Variants in ZNF385D observed in about 807,000 individuals in gnomAD.
ZNF385D encodes the protein zinc finger protein 659.
In ZNF385D, 15 loss-of-function variants were observed where a neutral mutation model predicts 35.8. The ratio of observed to expected loss-of-function variants is 0.42; its 90% CI spans 0.28 to 0.64. The LOEUF (loss-of-function observed/expected upper bound fraction) is 0.64, where lower values mean the gene tolerates loss of function less well. Ranked by LOEUF, ZNF385D falls within the 30% of genes least tolerant of loss-of-function variation. The probability of loss-of-function intolerance (pLI) is 0.23; values close to 1 mark genes in which losing one functional copy is unlikely to be tolerated. For synonymous variants in ZNF385D, 212 were observed against 186.8 expected (o/e 1.13, Z -1.10); for missense variants, 474 against 494.6 (o/e 0.96, Z 0.39).
rs1553626129 is a variant in ZNF385D, at chr3:21,627,286, T to TGA, written c.165+37598_165+37599dup. On this transcript the variant is annotated intron_variant, in intron 2 of 7. Transcript: ENST00000281523. ...GTGTGTGTGTGTGTGTGTGTGTGTG[T>TGA]GAATTACTACTGGTTTGTGAAGGTC... Among the ~76,000 whole-genome samples, 418 of 144,638 alleles carry TGA rather than the reference T, an allele frequency of 2.9e-3. 1 individual carries two copies. The highest frequency in any genetic ancestry group is 1.0e-2 in the African/African-American group (404 of 40,474). The allele number at this position is 144,638 out of a possible 152,430, so 94.9% of individuals were successfully genotyped here. A position where few individuals can be genotyped will look rare whatever the true frequency, so the allele number is the denominator to read the frequency against.
At chr3:22,284,916 C>T (rs144118635) in intron 2 of ZNF385D, among the ~76,000 whole-genome samples, 1 of 152,108 alleles carries the variant, frequency 6.6e-6, no homozygotes, top group African/African-American at 2.4e-5. Context: ...ATTAAAAGGG[C>T]AGGCAGGAAA....
At chr3:22,279,495 C>T (rs965372240) in intron 2 of ZNF385D, among the ~76,000 whole-genome samples, 2 of 135,306 alleles carry the variant, frequency 1.5e-5, no homozygotes, top group South Asian at 4.4e-4. Context: ...ATGGAATATA[C>T]ATATGTACAT....
At chr3:21,524,830 G>A (rs1708127112) in intron 3 of ZNF385D, among the ~76,000 whole-genome samples, 1 of 152,142 alleles carries the variant, frequency 6.6e-6, no homozygotes, top group Non-Finnish European at 1.5e-5. Context: ...TTAATCAAGG[G>A]CTGACTATAT....
chr3:21,567,088 C>T (rs2063175107), intron 2 of ZNF385D, among the ~76,000 whole-genome samples: 1 of 151,006 alleles, frequency 6.6e-6, no homozygotes, highest in African/African-American at 2.4e-5. Flanking sequence ...TGTATTTATC[C>T]ATTTGCCATT....
At chr3:22,034,569 TA>T (rs1698199715) in intron 3 of ZNF385D, among the ~76,000 whole-genome samples, 1 of 152,190 alleles carries the variant, frequency 6.6e-6, no homozygotes, top group Non-Finnish European at 1.5e-5. Context: ...ATTTGAATTG[TA>T]AAAATATGTA....
intron 2 of ZNF385D, among the ~76,000 whole-genome samples, chr3:21,584,643 T>C (rs73137008): frequency 0.059 from 8,927 of 152,250 alleles, 605 homozygotes; most frequent in African/African-American, 0.16. Flanking sequence ...CTTCTACATA[T>C]ATAAACCATG....
intron 2 of ZNF385D, among the ~76,000 whole-genome samples, chr3:22,280,431 A>C (rs1701678426): frequency 6.6e-6 from 1 of 150,854 alleles, no homozygotes; most frequent in South Asian, 2.1e-4. Context: ...GTCTGATCTT[A>C]AGCTGACTTT....
intron 1 of ZNF385D, among the ~76,000 whole-genome samples, chr3:21,723,086 A>G (rs2068609259): frequency 6.6e-6 from 1 of 152,184 alleles, no homozygotes; most frequent in South Asian, 2.1e-4. Context: ...AGGGTAAAAA[A>G]CAAAGGAAAG....
intron 2 of ZNF385D, among the ~76,000 whole-genome samples, chr3:22,307,215 G>A (rs1703275502): frequency 1.3e-5 from 2 of 152,088 alleles, no homozygotes; most frequent in Admixed American, 6.6e-5. Context: ...GGGGAGGTGG[G>A]AAGTGTTTGA....
chr3:22,012,592 T>C (rs1321785009), intron 3 of ZNF385D, among the ~76,000 whole-genome samples: 1 of 138,096 alleles, frequency 7.2e-6, no homozygotes, highest in African/African-American at 2.6e-5. Context: ...AAAACAAGCA[T>C]TCAAAATGAT....
At chr3:21,509,762 AG>A (rs1169273053) in intron 4 of ZNF385D, among the ~76,000 whole-genome samples, 1 of 152,306 alleles carries the variant, frequency 6.6e-6, no homozygotes, top group East Asian at 1.9e-4. Context: ...GCTCTTAGGG[AG>A]GGCAGCATGA....
chr3:21,839,368 A>C lies in ZNF385D; in HGVS notation c.326-174340T>G, dbSNP rs538294226. Among the ~76,000 whole-genome samples the C allele has an allele frequency of 2.6e-5, 4 of 152,248 alleles. No homozygotes were observed. In the South Asian group the frequency reaches 8.3e-4, roughly 32 times the overall value. On this transcript the variant is annotated intron_variant, in intron 3 of 5. Coordinates refer to the ZNF385D transcript ENST00000494108. The stretch of plus-strand genomic sequence containing the variant: ...TGACTTCACAGTCCAAAAGCTCATC[A>C]TCTGTTACAAACTCATCATAAAAGA...
chr3:21,763,625 G>A (rs1328264602), intron 3 of ZNF385D, among the ~76,000 whole-genome samples: 3 of 152,130 alleles, frequency 2.0e-5, no homozygotes, highest in Non-Finnish European at 2.9e-5. Context: ...ATATGAAGTA[G>A]GCACTTCCTA....
chr3:22,010,995 T>C (rs1696536057), intron 3 of ZNF385D, among the ~76,000 whole-genome samples: 1 of 152,146 alleles, frequency 6.6e-6, no homozygotes, highest in Admixed American at 6.6e-5. Flanking sequence ...ATAGACTATT[T>C]CAATGGATCA....
chr3:22,030,272 T>TG (rs1404124456), intron 3 of ZNF385D, among the ~76,000 whole-genome samples: 1 of 82,872 alleles, frequency 1.2e-5, no homozygotes, highest in Non-Finnish European at 2.3e-5. Flanking sequence ...TATATATATA[T>TG]ATATATATAT....
chr3:21,850,981 G>A (rs1696347985), intron 3 of ZNF385D, among the ~76,000 whole-genome samples: 1 of 151,824 alleles, frequency 6.6e-6, no homozygotes, highest in Non-Finnish European at 1.5e-5. Context: ...TAATTAACAT[G>A]TAAAGAAGCC....
chr3:21,938,130 T>C (rs757491828), intron 3 of ZNF385D, among the ~76,000 whole-genome samples: 2 of 152,230 alleles, frequency 1.3e-5, no homozygotes, highest in Non-Finnish European at 2.9e-5. Flanking sequence ...TCATTTTTGA[T>C]GTAATTTTAT....
chr3:22,357,041 C>A (rs1238793935), intron 2 of ZNF385D, among the ~76,000 whole-genome samples: 1 of 151,734 alleles, frequency 6.6e-6, no homozygotes, highest in Non-Finnish European at 1.5e-5. Flanking sequence ...TGAAAAAGTG[C>A]AAGAATAAGC....
At chr3:22,201,112 G>C (rs919275118) in intron 2 of ZNF385D, among the ~76,000 whole-genome samples, 1 of 152,132 alleles carries the variant, frequency 6.6e-6, no homozygotes, top group Non-Finnish European at 1.5e-5. Flanking sequence ...TTGGGGAAGT[G>C]ATAAGTGTCC....
Sources: gnomAD v4.1 joint callset for allele counts (sites outside exome capture counted in the v4.1 genomes callset) on GRCh38, gnomAD v4.1.1 for gene constraint, MANE v1.5 for transcripts, NCBI Gene and HGNC (gene_info 2026-07-23, HGNC 2026-07-21) for gene names.